The following CHST11 variants were observed in gnomAD, a reference collection of about 807,000 sequenced individuals.
CHST11 encodes the protein carbohydrate sulfotransferase 11.
CHST11 carries 9 observed loss-of-function variants against 30.4 expected under a neutral mutation model. The observed-to-expected ratio is 0.30, with a 90% CI of 0.18 to 0.52. The LOEUF (loss-of-function observed/expected upper bound fraction) is 0.52. CHST11 is among the 20% of genes least tolerant of loss of function. CHST11 has a pLI of 0.97. For missense variants in CHST11, 348 were observed against 460.6 expected (o/e 0.76, Z 2.24); for synonymous variants, 152 against 187.8 (o/e 0.81, Z 1.56).
At chr12:104,470,251 A>T (rs1281508092) in intron 1 of CHST11, among the ~76,000 whole-genome samples, 1 of 152,244 alleles carries the variant, frequency 6.6e-6, no homozygotes, top group Non-Finnish European at 1.5e-5. Flanking sequence ...TGGGTAATTT[A>T]TAAAGGAAAG....
intron 1 of CHST11, among the ~76,000 whole-genome samples, chr12:104,598,850 A>G (rs1473357546): frequency 6.7e-6 from 1 of 150,026 alleles, no homozygotes; most frequent in African/African-American, 2.5e-5. Context: ...GTGGGCCTTG[A>G]CTCAGTGGTC....
chr12:104,660,032 T>C (rs2039584309), intron 2 of CHST11, among the ~76,000 whole-genome samples: 1 of 152,162 alleles, frequency 6.6e-6, no homozygotes, highest in African/African-American at 2.4e-5. Context: ...ATTGTGGCTA[T>C]TGGAAAGCTT....
At chr12:104,752,907 TTCATTCAC>T (rs1334990336) in intron 2 of CHST11, among the ~76,000 whole-genome samples, 1 of 152,220 alleles carries the variant, frequency 6.6e-6, no homozygotes, top group Non-Finnish European at 1.5e-5. Flanking sequence ...CATTCATTCA[TTCATTCAC>T]TCAACCAACA....
chr12:104,501,583 C>A (rs1308355620), intron 1 of CHST11, among the ~76,000 whole-genome samples: 1 of 152,156 alleles, frequency 6.6e-6, no homozygotes, highest in Non-Finnish European at 1.5e-5. Flanking sequence ...CAAAATGGCC[C>A]CAAGCCGACA....
At chr12:104,547,674 G>A (rs374751838) in intron 1 of CHST11, among the ~76,000 whole-genome samples, 6 of 152,302 alleles carry the variant, frequency 3.9e-5, no homozygotes, top group Admixed American at 6.5e-5. Context: ...GCACACTCTG[G>A]TGTCAGAATC....
At chr12:104,522,784 A>G (rs2038086382) in intron 1 of CHST11, among the ~76,000 whole-genome samples, 1 of 152,048 alleles carries the variant, frequency 6.6e-6, no homozygotes, top group Admixed American at 6.6e-5. Flanking sequence ...GCCTGGTCCT[A>G]TCGCATCATT....
intron 1 of CHST11, among the ~76,000 whole-genome samples, chr12:104,592,766 G>A (rs2038872410): frequency 6.6e-6 from 1 of 152,136 alleles, no homozygotes; most frequent in Non-Finnish European, 1.5e-5. Context: ...TGTGCCTGAT[G>A]GTGCACTAAC....
chr12:104,756,896 G>A, intron 2 of CHST11, 53 bp from the exon 3 acceptor site: 2 of 1,558,392 alleles, frequency 1.3e-6, no homozygotes, highest in Non-Finnish European at 1.7e-6. Flanking sequence ...TAGCCAAGTG[G>A]AAATGTTTCA....
In CHST11 at chr12:104,747,565, A is replaced by G. The variant is rs1026150309; in HGVS notation, c.205-9384A>G. On this transcript the variant is annotated intron_variant, in intron 2 of 2. Coordinates refer to ENST00000303694, the MANE Select transcript of CHST11 (RefSeq NM_018413.6). The stretch of plus-strand genomic sequence containing the variant: ...CCTCTGCCAGAAAGAAACGTCATAT[A>G]ATCAGAGCAAATCAGCTCATCAGGT... 1.8e-4 allele frequency among the ~76,000 whole-genome samples: 27 copies of G among 152,158 alleles called. 1 individual carries two copies. Among genetic ancestry groups the G allele is most frequent in the Admixed American group, 1.8e-3 (27 of 15,278 alleles).
At chr12:104,756,532 G>GTGTGTGTGT (rs1555250377) in intron 2 of CHST11, among the ~76,000 whole-genome samples, 20 of 143,398 alleles carry the variant, frequency 1.4e-4, no homozygotes, top group East Asian at 6.2e-4. Flanking sequence ...ATCCATGTGG[G>GTGTGTGTGT]GTGTGTGTGT....
intron 1 of CHST11, among the ~76,000 whole-genome samples, chr12:104,541,126 TCTCTCACA>T (rs1444255449): frequency 7.6e-6 from 1 of 130,740 alleles, no homozygotes; most frequent in East Asian, 2.6e-4. Flanking sequence ...TCTCTCTCTC[TCTCTCACA>T]CACACACACA....
chr12:104,629,843 C>T (rs1256530795), intron 2 of CHST11, among the ~76,000 whole-genome samples: 2 of 152,120 alleles, frequency 1.3e-5, no homozygotes, highest in African/African-American at 2.4e-5. Context: ...TTTAAAAATG[C>T]ATTTAATACA....
intron 2 of CHST11, among the ~76,000 whole-genome samples, chr12:104,714,572 A>C (rs951183124): frequency 2.1e-5 from 3 of 141,662 alleles, no homozygotes; most frequent in African/African-American, 8.2e-5. Context: ...GATGATGATG[A>C]TGATGGTGAC....
intron 2 of CHST11, among the ~76,000 whole-genome samples, chr12:104,621,852 G>T (rs1307818833): frequency 6.6e-6 from 1 of 152,220 alleles, no homozygotes; most frequent in Non-Finnish European, 1.5e-5. Flanking sequence ...TTGGAGCTAA[G>T]CTTCCCTCTC....
At chr12:104,478,887 A>C (rs2037590409) in intron 1 of CHST11, among the ~76,000 whole-genome samples, 1 of 152,122 alleles carries the variant, frequency 6.6e-6, no homozygotes. Flanking sequence ...TTTGGTTCTT[A>C]ACACATAGTG....
chr12:104,578,697 A>C (rs1232145171), intron 1 of CHST11, among the ~76,000 whole-genome samples: 1 of 152,208 alleles, frequency 6.6e-6, no homozygotes, highest in Non-Finnish European at 1.5e-5. Flanking sequence ...CATGTAAGCC[A>C]TGGAAAGCGC....
chr12:104,498,634 C>T (rs1227347726), intron 1 of CHST11, among the ~76,000 whole-genome samples: 1 of 152,146 alleles, frequency 6.6e-6, no homozygotes, highest in Non-Finnish European at 1.5e-5. Flanking sequence ...CCTATAGGAC[C>T]TTTTTCACTG....
At chr12:104,462,057 C>G (rs12322339) in intron 1 of CHST11, among the ~76,000 whole-genome samples, 10,597 of 150,172 alleles carry the variant, frequency 0.071, 884 homozygotes, top group African/African-American at 0.21. Context: ...ATCCCAGCTA[C>G]TTGGGAGGCT....
rs186361284 is a variant in CHST11 at position 104,649,382 on chromosome 12, A to G, written c.204+47391A>G. On this transcript the variant is annotated intron_variant, in intron 2 of 2. Transcript: ENST00000303694. Reference sequence around the variant, plus strand: ...TTACATTACAGGGCATTTAACACATACAATTTCTAATCTTTACAGCCAATC... The same window carrying G: ...TTACATTACAGGGCATTTAACACATGCAATTTCTAATCTTTACAGCCAATC... Among the ~76,000 whole-genome samples the G allele has an allele frequency of 2.6e-5, 4 of 152,326 alleles. No individual in the cohort carries two copies. In the East Asian group the frequency reaches 5.8e-4, roughly 22 times the overall value.
Sources: gnomAD v4.1 joint callset for allele counts (sites outside exome capture counted in the v4.1 genomes callset) on GRCh38, gnomAD v4.1.1 for gene constraint, MANE v1.5 for transcripts, NCBI Gene and HGNC (gene_info 2026-07-23, HGNC 2026-07-21) for gene names.